PDE10A: variants seen among roughly 807,000 people sequenced by gnomAD.
The protein encoded by PDE10A is cAMP and cAMP-inhibited cGMP 3',5'-cyclic phosphodiesterase 10A.
PDE10A carries 39 observed loss-of-function variants against 97.7 expected under a neutral mutation model. That is an observed-to-expected ratio of 0.40 (90% confidence interval 0.31 to 0.52). The LOEUF is 0.52. PDE10A is among the 20% of genes least tolerant of loss of function. PDE10A has a pLI of 0.56. For synonymous variants in PDE10A, 371 were observed against 376.8 expected (o/e 0.98, Z 0.18); for missense variants, 731 against 1,047.8 (o/e 0.70, Z 4.17).
At chr6:165,408,931 C>T (rs1306003345) in intron 13 of PDE10A, among the ~76,000 whole-genome samples, 3 of 151,728 alleles carry the variant, frequency 2.0e-5, no homozygotes, top group East Asian at 3.9e-4. Context: ...TTTGGGAGGC[C>T]GAGGCGGGCG....
chr6:165,894,328 G>C (rs773660773), intron 1 of PDE10A: 1 of 456,032 alleles, frequency 2.2e-6, no homozygotes, highest in African/African-American at 2.0e-5. Flanking sequence ...ATGAGACAGC[G>C]CTAACGCAAA....
At chr6:165,839,166 T>C (rs1474158405) in intron 1 of PDE10A, among the ~76,000 whole-genome samples, 1 of 152,250 alleles carries the variant, frequency 6.6e-6, no homozygotes, top group Non-Finnish European at 1.5e-5. Context: ...TGAGTCATTT[T>C]GACACCCACC....
chr6:165,486,323 G>A lies in PDE10A; in HGVS notation c.995-3980C>T, dbSNP rs142019362. On this transcript the variant is annotated intron_variant, in intron 2 of 21. Transcript: ENST00000539869. ...TCAGAAAAACTAAATTGGTCATTTT[G>A]TGTTGGTATACACATGGACAGAGCA... Among the ~76,000 whole-genome samples, 917 of 152,284 alleles carry A rather than the reference G, an allele frequency of 6.0e-3. 7 individuals carry two copies. The highest frequency in any genetic ancestry group is 0.021 in the African/African-American group (859 of 41,562).
exon 1 of PDE10A, chr6:165,987,811 T>A (rs747638842): frequency 6.8e-5 from 30 of 442,128 alleles, no homozygotes; most frequent in Admixed American, 2.7e-4. Context: ...AAGGCGAGTG[T>A]GTGGGGTTCC....
At chr6:165,533,704 T>A (rs1782915162) in intron 2 of PDE10A, among the ~76,000 whole-genome samples, 1 of 152,172 alleles carries the variant, frequency 6.6e-6, no homozygotes, top group Non-Finnish European at 1.5e-5. Context: ...GGTCAAATAA[T>A]TTAGATGACT....
chr6:165,653,497 T>C (rs1789786012), intron 1 of PDE10A, among the ~76,000 whole-genome samples: 1 of 152,176 alleles, frequency 6.6e-6, no homozygotes, highest in African/African-American at 2.4e-5. Context: ...AGCCATGCGC[T>C]GAATCACACT....
In PDE10A at chr6:165,963,968, G is replaced by A. The variant is rs1026338598; in HGVS notation, c.-615+23561C>T. ...AGAATCCGTCAGCTAAGGTGTCAGCGGCAACATCAAAGCTCTTTGCTTTCC... is the reference window on the plus strand; with the variant it reads ...AGAATCCGTCAGCTAAGGTGTCAGCAGCAACATCAAAGCTCTTTGCTTTCC... On this transcript the variant is annotated intron_variant, in intron 1 of 19. Transcript: ENST00000366882. Among the ~76,000 whole-genome samples the A allele has an allele frequency of 5.3e-5, 8 of 152,296 alleles. No homozygotes were observed. In the East Asian group the frequency reaches 5.8e-4, roughly 11 times the overall value.
At position 165,875,737 on chromosome 6, in the gene PDE10A, T is replaced by TTTTGTG. The variant is rs750984085; in HGVS notation, c.-615+111791_-615+111792insCACAAA. Among the ~76,000 whole-genome samples the TTTTGTG allele has an allele frequency of 2.2e-5, 3 of 138,050 alleles. No individual in the cohort carries two copies. In the East Asian group the frequency reaches 6.0e-4, roughly 27 times the overall value. 90.6% of individuals were successfully genotyped at this position (138,050 alleles called of 152,430 possible). On this transcript the variant is annotated intron_variant, in intron 1 of 19. Transcript: ENST00000366882. ...GGACTTATTTTCTTTTACTGTTTTT[T>TTTTGTG]TTTTTTTTTTGTGTGTGTGTGTGTG...
intron 1 of PDE10A, among the ~76,000 whole-genome samples, chr6:165,921,805 G>T (rs1187400556): frequency 6.6e-6 from 1 of 152,170 alleles, no homozygotes; most frequent in African/African-American, 2.4e-5. Flanking sequence ...CACCACGTAG[G>T]GTCTTGTGGG....
At chr6:165,863,576 T>C (rs2498581) in intron 1 of PDE10A, among the ~76,000 whole-genome samples, 28,008 of 152,220 alleles carry the variant, frequency 0.18, 2,851 homozygotes, top group East Asian at 0.28. Flanking sequence ...ATTTGTCCCA[T>C]GTTTTCTTTA....
At chr6:165,702,538 C>T (rs982860656) in intron 1 of PDE10A, among the ~76,000 whole-genome samples, 6 of 152,220 alleles carry the variant, frequency 3.9e-5, no homozygotes, top group African/African-American at 1.4e-4. Flanking sequence ...AACGGTTCAG[C>T]AGCATTTCAG....
intron 1 of PDE10A, among the ~76,000 whole-genome samples, chr6:165,832,056 C>T (rs762740800): frequency 2.0e-5 from 3 of 152,162 alleles, no homozygotes; most frequent in Non-Finnish European, 4.4e-5. Context: ...TACAATGAGA[C>T]ATCATGGAAG....
intron 1 of PDE10A, among the ~76,000 whole-genome samples, chr6:165,797,098 A>C (rs1778850530): frequency 6.6e-6 from 1 of 152,342 alleles, no homozygotes; most frequent in South Asian, 2.1e-4. Flanking sequence ...AATGGGTGCA[A>C]GTGACCCTTG....
chr6:165,870,302 A>C (rs984445159), intron 1 of PDE10A, among the ~76,000 whole-genome samples: 2 of 152,208 alleles, frequency 1.3e-5, no homozygotes, highest in African/African-American at 2.4e-5. Context: ...ACCTGAATAA[A>C]TATTTCTCAA....
At chr6:165,945,910 T>C (rs1185443886) in intron 1 of PDE10A, among the ~76,000 whole-genome samples, 1 of 152,240 alleles carries the variant, frequency 6.6e-6, no homozygotes, top group African/African-American at 2.4e-5. Flanking sequence ...GATTGCACTT[T>C]AGCAACTGTA....
intron 1 of PDE10A, among the ~76,000 whole-genome samples, chr6:165,721,762 C>T (rs1324707048): frequency 2.0e-5 from 3 of 152,228 alleles, no homozygotes; most frequent in Admixed American, 6.5e-5. Flanking sequence ...TATCACCTGT[C>T]TCATACCATC....
chr6:165,792,826 A>G (rs1433410555), intron 1 of PDE10A, among the ~76,000 whole-genome samples: 1 of 152,170 alleles, frequency 6.6e-6, no homozygotes, highest in East Asian at 1.9e-4. Context: ...TCCAGTATTC[A>G]ATAGATTTTA....
intron 1 of PDE10A, among the ~76,000 whole-genome samples, chr6:165,977,886 T>C (rs1384261191): frequency 2.0e-5 from 3 of 152,172 alleles, no homozygotes; most frequent in African/African-American, 7.2e-5. Flanking sequence ...TGTGGAATAG[T>C]GATACAACAG....
chr6:165,661,696 T>C lies in PDE10A; in HGVS notation c.865+251A>G, dbSNP rs968589. On this transcript the variant is annotated intron_variant, in intron 1 of 21. Coordinates refer to ENST00000539869, the MANE Select transcript of PDE10A (RefSeq NM_001385079.1). The surrounding 1 kb of genome is among the most constrained non-coding windows in gnomAD (Gnocchi z 4.8). ...CGCAACGTCCAAGCTCCCGCCGCCC[T>C]CCCGAGCCGCCCTTCCCCCGAGCGC... 2.3e-4 allele frequency: 102 copies of C among 437,744 alleles called. 1 individual carries two copies. The highest frequency in any genetic ancestry group is 1.9e-3 in the African/African-American group (90 of 47,824). 27.1% of individuals were successfully genotyped at this position (437,744 alleles called of 1,614,324 possible).
Sources: gnomAD v4.1 joint callset for allele counts (sites outside exome capture counted in the v4.1 genomes callset) on GRCh38, gnomAD v4.1.1 for gene constraint, Gnocchi (gnomAD v3.1) non-coding constraint, MANE v1.5 for transcripts, NCBI Gene and HGNC (gene_info 2026-07-23, HGNC 2026-07-21) for gene names.